Variants in TENM4 observed in about 807,000 individuals in gnomAD.
TENM4 encodes teneurin transmembrane protein 4, also known as teneurin-4.
Under a neutral mutation model 243.3 loss-of-function variants are expected in TENM4, and 82 were observed. The ratio of observed to expected loss-of-function variants is 0.34; its 90% CI spans 0.28 to 0.40. The LOEUF (loss-of-function observed/expected upper bound fraction) is 0.40, where lower values mean the gene tolerates loss of function less well. Ranked by LOEUF, TENM4 falls within the 10% of genes least tolerant of loss-of-function variation. TENM4 has a pLI of 1.00. For synonymous variants in TENM4, 1,412 were observed against 1,456.3 expected, an observed-to-expected ratio of 0.97 and a Z score of 0.69; for missense variants, 3,138 against 3,673.3, an observed-to-expected ratio of 0.85 and a Z score of 3.77.
intron 26 of TENM4, among the ~76,000 whole-genome samples, chr11:78,709,339 C>T (rs549760043): frequency 2.6e-5 from 4 of 152,158 alleles, no homozygotes; most frequent in South Asian, 4.2e-4. Flanking sequence ...TGAATAGAAT[C>T]CTATGGATTT....
rs190497297 is a variant in TENM4 at position 79,266,322 on chromosome 11, C to T, written c.-265+31166G>A. 2.5e-3 allele frequency among the ~76,000 whole-genome samples: 384 copies of T among 152,354 alleles called. 2 individuals carry two copies. Among genetic ancestry groups the T allele is most frequent in the Non-Finnish European group, 2.4e-4 (16 of 68,042 alleles). On this transcript the variant is annotated intron_variant, in intron 2 of 33. Transcript: ENST00000278550. The stretch of plus-strand genomic sequence containing the variant: ...CTAAGTGTCAACCATACCAAGCACA[C>T]TCTAGGCACAGGGAATACTGCAATG...
At chr11:78,908,183 T>G (rs1274111472) in intron 6 of TENM4, among the ~76,000 whole-genome samples, 1 of 152,192 alleles carries the variant, frequency 6.6e-6, no homozygotes, top group East Asian at 1.9e-4. Context: ...GAGACTCGGC[T>G]TTGGTGTCAG....
chr11:78,820,945 C>T (rs539731982), intron 12 of TENM4, among the ~76,000 whole-genome samples: 49 of 152,226 alleles, frequency 3.2e-4, no homozygotes, highest in Non-Finnish European at 6.6e-4. Flanking sequence ...AAAGCTGTTC[C>T]ATGGCCTGTG....
chr11:79,223,625 A>T (rs1206195012), intron 2 of TENM4, among the ~76,000 whole-genome samples: 1 of 152,052 alleles, frequency 6.6e-6, no homozygotes, highest in Non-Finnish European at 1.5e-5. Flanking sequence ...CAGCCTGGCC[A>T]CCTTTCCAGC....
At chr11:79,304,691 C>A (rs1460709426) in intron 1 of TENM4, among the ~76,000 whole-genome samples, 1 of 152,206 alleles carries the variant, frequency 6.6e-6, no homozygotes, top group Admixed American at 6.5e-5. Context: ...AACCTACCAA[C>A]CTACCGTGGC....
At chr11:78,791,224 A>G (rs1486669520) in intron 15 of TENM4, among the ~76,000 whole-genome samples, 1 of 152,218 alleles carries the variant, frequency 6.6e-6, no homozygotes, top group Non-Finnish European at 1.5e-5. Context: ...CTCAAGTCAT[A>G]GTCCCTATTG....
At chr11:79,350,128 C>A (rs1240689948) in intron 1 of TENM4, among the ~76,000 whole-genome samples, 2 of 152,234 alleles carry the variant, frequency 1.3e-5, no homozygotes, top group Non-Finnish European at 2.9e-5. Context: ...CAAGTTCACA[C>A]ATAACTGTGC....
At chr11:78,848,390 C>G (rs116163427) in intron 12 of TENM4, among the ~76,000 whole-genome samples, 55 of 152,300 alleles carry the variant, frequency 3.6e-4, no homozygotes, top group African/African-American at 1.3e-3. Flanking sequence ...ATCCTGGGCT[C>G]TAGTCAAACA....
chr11:79,276,293 G>A (rs769648676), intron 2 of TENM4, among the ~76,000 whole-genome samples: 1 of 152,220 alleles, frequency 6.6e-6, no homozygotes, highest in Non-Finnish European at 1.5e-5. Context: ...GGACCTCAGA[G>A]CCAGCTCACA....
intron 2 of TENM4, among the ~76,000 whole-genome samples, chr11:79,253,309 A>G (rs1855644373): frequency 6.6e-6 from 1 of 152,180 alleles, no homozygotes; most frequent in South Asian, 2.1e-4. Context: ...AATGTTCCCA[A>G]AGAGGCTATT....
At chr11:78,708,241 C>T (rs1265743772) in intron 27 of TENM4, 120 bp downstream of exon 27, 12 of 1,356,406 alleles carry the variant, frequency 8.8e-6, no homozygotes, top group Non-Finnish European at 1.2e-5. Context: ...CAGCCTGGCA[C>T]CAAGTAGGTG....
At position 78,942,259 on chromosome 11, in the gene TENM4, CAAAAAAAAAAAAAAAAAAAAAAAAAA is replaced by C. The variant is rs56973257; in HGVS notation, c.494-38762_494-38737del. Among the ~76,000 whole-genome samples the C allele has an allele frequency of 8.0e-4, 9 of 11,194 alleles. 1 individual carries two copies. Among genetic ancestry groups the C allele is most frequent in the African/African-American group, 1.4e-3 (4 of 2,900 alleles). The allele number at this position is 11,194 out of a possible 152,430, so 7.3% of individuals were successfully genotyped here. On this transcript the variant is annotated intron_variant, in intron 6 of 33. Transcript: ENST00000278550. Reference sequence around the variant, plus strand: ...TGAAACCCATCTCTACAAAATACACCAAAAAAAAAAAAAAAAAAAAAAAAAAAAAAAAAAAAAAAAAGCTGGGCATG... The same window carrying C: ...TGAAACCCATCTCTACAAAATACACCAAAAAAAAAAAAAAAGCTGGGCATG...
At chr11:79,401,949 T>C (rs578050726) in intron 1 of TENM4, 1 of 304,964 alleles carries the variant, frequency 3.3e-6, no homozygotes, top group Non-Finnish European at 7.7e-6. Flanking sequence ...CAGGTGGTGG[T>C]TGACGCCATG....
At chr11:78,788,836 C>A (rs588059) in intron 15 of TENM4, among the ~76,000 whole-genome samples, 78,796 of 151,940 alleles carry the variant, frequency 0.52, 24,306 homozygotes, top group Non-Finnish European at 0.7. Flanking sequence ...GCAGGTGGAA[C>A]CTAATGGTAT....
At chr11:78,912,575 C>T (rs1358066781) in intron 6 of TENM4, among the ~76,000 whole-genome samples, 3 of 152,254 alleles carry the variant, frequency 2.0e-5, no homozygotes, top group South Asian at 4.1e-4. Flanking sequence ...ACTTTTAAAG[C>T]TAAGAGTAGT....
chr11:78,940,424 C>T (rs375148408), intron 6 of TENM4, among the ~76,000 whole-genome samples: 1 of 152,176 alleles, frequency 6.6e-6, no homozygotes, highest in South Asian at 2.1e-4. Context: ...CAGAGGACCC[C>T]CATCCCCACT....
At chr11:79,098,745 A>G (rs1861149122) in intron 4 of TENM4, among the ~76,000 whole-genome samples, 1 of 152,198 alleles carries the variant, frequency 6.6e-6, no homozygotes, top group Admixed American at 6.5e-5. Context: ...CGTCTGGAAA[A>G]TGAGGCTAAT....
At chr11:79,387,412 TAC>T (rs1858140101) in intron 1 of TENM4, among the ~76,000 whole-genome samples, 1 of 152,238 alleles carries the variant, frequency 6.6e-6, no homozygotes, top group South Asian at 2.1e-4. Flanking sequence ...AAAAAGTTTA[TAC>T]ACACAAACTT....
At chr11:79,239,023 TCAAACAAA>T (rs36069608) in intron 2 of TENM4, among the ~76,000 whole-genome samples, 1 of 151,212 alleles carries the variant, frequency 6.6e-6, no homozygotes, top group East Asian at 2.0e-4. Context: ...AGACTCTGTC[TCAAACAAA>T]CAAACAAACA....
Sources: gnomAD v4.1 joint callset for allele counts (sites outside exome capture counted in the v4.1 genomes callset) on GRCh38, gnomAD v4.1.1 for gene constraint, MANE v1.5 for transcripts, NCBI Gene and HGNC (gene_info 2026-07-23, HGNC 2026-07-21) for gene names.